LIPA: variants seen among roughly 807,000 people sequenced by gnomAD.
LIPA encodes lysosomal acid lipase/cholesteryl ester hydrolase.
In LIPA, 26 loss-of-function variants were observed where a neutral mutation model predicts 40.6. The observed-to-expected ratio is 0.64, with a 90% CI of 0.47 to 0.89. The LOEUF is 0.89. Ranked by LOEUF, LIPA falls within the 40% of genes least tolerant of loss-of-function variation. LIPA has a pLI of 0.00. For synonymous variants in LIPA, 188 were observed against 168.4 expected, an observed-to-expected ratio of 1.12 and a Z score of -0.90; for missense variants, 455 against 479.6, an observed-to-expected ratio of 0.95 and a Z score of 0.48.
At chr10:89,363,043 T>A in intron 2 of LIPA, 1 of 235,680 alleles carries the variant, frequency 4.2e-6, no homozygotes, top group Non-Finnish European at 8.9e-6. Context: ...CTAATCAGTA[T>A]GTCTTCACAG....
chr10:89,301,403 G>A (rs1424901560), intron 1 of LIPA, among the ~76,000 whole-genome samples: 2 of 152,218 alleles, frequency 1.3e-5, no homozygotes, highest in African/African-American at 2.4e-5. Flanking sequence ...GATCATATTG[G>A]TATAAGGCAG....
At chr10:89,369,835 C>T (rs1020916025) in intron 2 of LIPA, among the ~76,000 whole-genome samples, 2 of 152,210 alleles carry the variant, frequency 1.3e-5, no homozygotes, top group African/African-American at 4.8e-5. Flanking sequence ...GAGAGAATGG[C>T]ATTCCTAGTC....
chr10:89,268,871 A>G (rs1291989782), intron 1 of LIPA, among the ~76,000 whole-genome samples: 1 of 151,904 alleles, frequency 6.6e-6, no homozygotes, highest in Non-Finnish European at 1.5e-5. Flanking sequence ...CTGTAGTCCC[A>G]GCTACTCGGG....
intron 2 of LIPA, among the ~76,000 whole-genome samples, chr10:89,355,576 A>T (rs1843984460): frequency 6.6e-6 from 1 of 152,220 alleles, no homozygotes; most frequent in South Asian, 2.1e-4. Context: ...GGCTGGGTGA[A>T]ATAAGGCTGA....
intron 1 of LIPA, among the ~76,000 whole-genome samples, chr10:89,288,582 C>T (rs560892920): frequency 1.3e-5 from 2 of 152,162 alleles, no homozygotes; most frequent in Non-Finnish European, 2.9e-5. Flanking sequence ...CTCTGATCTA[C>T]CTGACATTCA....
intron 4 of LIPA, 30 bp from the exon 5 acceptor site, chr10:89,227,034 G>T: frequency 2.3e-6 from 3 of 1,279,720 alleles, no homozygotes; most frequent in Non-Finnish European, 3.4e-6. Context: ...CTCTTTCATT[G>T]AAATAGTACA....
intron 2 of LIPA, among the ~76,000 whole-genome samples, chr10:89,359,126 A>G (rs1844005151): frequency 6.6e-6 from 1 of 152,176 alleles, no homozygotes; most frequent in South Asian, 2.1e-4. Context: ...GGAGAGGAGC[A>G]GCCCAACCCG....
chr10:89,328,127 G>T (rs1843616861), intron 1 of LIPA: 18 of 1,585,242 alleles, frequency 1.1e-5, no homozygotes, highest in Non-Finnish European at 1.5e-5. Context: ...AGTGCAAATT[G>T]TAAGTTGAGT....
chr10:89,319,106 AAGC>A (rs1843557229), intron 1 of LIPA, among the ~76,000 whole-genome samples: 1 of 152,272 alleles, frequency 6.6e-6, no homozygotes, highest in Non-Finnish European at 1.5e-5. Context: ...CCACAAGAGA[AAGC>A]AGGAAAGATC....
At chr10:89,413,784 C>CAAA (rs1564815971) in intron 1 of LIPA, among the ~76,000 whole-genome samples, 5,940 of 75,848 alleles carry the variant, frequency 0.078, 376 homozygotes, top group East Asian at 0.33. Flanking sequence ...AAAAAAAAAC[C>CAAA]AAAATCAATG....
intron 2 of LIPA, among the ~76,000 whole-genome samples, chr10:89,397,314 AT>A (rs1482419786): frequency 6.8e-6 from 1 of 146,796 alleles, no homozygotes; most frequent in Non-Finnish European, 1.5e-5. Context: ...AGGAAATGTA[AT>A]TTTAATGACC....
chr10:89,315,598 C>CCT lies in LIPA; in HGVS notation c.-2+27011_-2+27012dup, dbSNP rs200991342. The stretch of plus-strand genomic sequence containing the variant: ...TATAAAAATGAAAAGAAAAAAAAAA[C>CCT]CTCTCAGGGTAGTATCAACTCCTTC... On this transcript the variant is annotated intron_variant, in intron 1 of 5. Coordinates refer to the LIPA transcript ENST00000282673. 4.9e-4 allele frequency among the ~76,000 whole-genome samples: 74 copies of CCT among 151,622 alleles called. No homozygotes were observed. The East Asian group carries it at 0.014, about 28-fold the overall frequency.
chr10:89,250,132 C>T (rs1843098068), intron 1 of LIPA, among the ~76,000 whole-genome samples: 1 of 54,336 alleles, frequency 1.8e-5, no homozygotes. Flanking sequence ...GACAGTCTTG[C>T]TCTGTCCCCC....
chr10:89,302,049 A>T (rs1337693879), intron 1 of LIPA: 26 of 1,568,034 alleles, frequency 1.7e-5, no homozygotes, highest in Non-Finnish European at 1.8e-6. Flanking sequence ...TATTGGTGGC[A>T]GAAGAGGAAG....
chr10:89,222,403 G>T, intron 8 of LIPA, 108 bp downstream of exon 8: 1 of 783,600 alleles, frequency 1.3e-6, no homozygotes, highest in Non-Finnish European at 2.3e-6. Flanking sequence ...AAGAAAACCA[G>T]ATCAGATTTG....
chr10:89,383,617 G>C (rs74146921), intron 2 of LIPA: 1 of 1,614,210 alleles, frequency 6.2e-7, no homozygotes, highest in Non-Finnish European at 8.5e-7. Context: ...GGGCAACTTT[G>C]CCTGGGTGTA....
At chr10:89,226,172 T>C (rs1262491071) in intron 5 of LIPA, among the ~76,000 whole-genome samples, 1 of 152,086 alleles carries the variant, frequency 6.6e-6, no homozygotes, top group Admixed American at 6.5e-5. Context: ...TAAAGAAAAA[T>C]GCCTAACTCC....
At chr10:89,257,455 C>T (rs1843186987) in intron 1 of LIPA, among the ~76,000 whole-genome samples, 1 of 152,136 alleles carries the variant, frequency 6.6e-6, no homozygotes, top group Admixed American at 6.6e-5. Context: ...AGAAACAATA[C>T]TAATAGCAGT....
intron 2 of LIPA, among the ~76,000 whole-genome samples, chr10:89,378,648 A>C (rs1320493896): frequency 1.3e-5 from 2 of 152,236 alleles, no homozygotes; most frequent in African/African-American, 4.8e-5. Flanking sequence ...AAAGTAAAAA[A>C]TAAAAGAGTT....
Sources: allele counts gnomAD v4.1 joint callset (sites outside exome capture counted in the v4.1 genomes callset), GRCh38; gene constraint gnomAD v4.1.1; transcripts MANE v1.5; gene names NCBI Gene and HGNC (gene_info 2026-07-23, HGNC 2026-07-21).